The following MTF1 variants were observed in gnomAD, a reference collection of about 807,000 sequenced individuals.
The protein encoded by MTF1 is metal regulatory transcription factor 1, also known as MRE-binding transcription factor.
Under a neutral mutation model 70.4 loss-of-function variants are expected in MTF1, and 22 were observed. The observed-to-expected ratio is 0.31, with a 90% CI of 0.22 to 0.45. The LOEUF is 0.45. Among genes scored for constraint, MTF1 ranks in the 20% least tolerant of loss-of-function variants. The pLI is 1.00. For synonymous variants in MTF1, 333 were observed against 352.8 expected, an observed-to-expected ratio of 0.94 and a Z score of 0.63; for missense variants, 649 against 922.0, an observed-to-expected ratio of 0.70 and a Z score of 3.83.
In MTF1 at chr1:37,815,007, C is replaced by T. The variant is rs576776619; in HGVS notation, c.*129G>A. On this transcript the variant is annotated 3_prime_UTR_variant, in exon 11 of 11. Coordinates refer to ENST00000373036, the MANE Select transcript of MTF1 (RefSeq NM_005955.3). This position sits in a 1 kb window ranked among gnomAD's most constrained non-coding sequence, Gnocchi z 4.5. ...TCCTGGGATGTGAATAAAGAAAATACGTCTGAAAGGTGAGGATTTCAAACA... is the reference window on the plus strand; with the variant it reads ...TCCTGGGATGTGAATAAAGAAAATATGTCTGAAAGGTGAGGATTTCAAACA... 19 of 743,532 alleles carry T rather than the reference C, an allele frequency of 2.6e-5. No homozygotes were observed. The highest frequency in any genetic ancestry group is 3.5e-5 in the Non-Finnish European group (16 of 457,498). 46.1% of individuals were successfully genotyped at this position (743,532 alleles called of 1,614,324 possible).
chr1:37,815,194 A>C lies in MTF1; in HGVS notation c.2204T>G (p.Ile735Ser). ...CTCCTCCCCCTGCAGTAGTGCTTCAATGGGAATCAGATTGGACGGGGTGTC... is the reference window on the plus strand; with the variant it reads ...CTCCTCCCCCTGCAGTAGTGCTTCACTGGGAATCAGATTGGACGGGGTGTC... ...SLDTPSNLIP[I>S]EALLQGEEEM... The change falls in exon 11 of 11, where the codon ATT becomes AGT. Residue 735 changes from isoleucine (I) to serine (S), a missense_variant. Transcript: ENST00000373036. This position sits in a 1 kb window ranked among gnomAD's most constrained non-coding sequence, Gnocchi z 4.5. The C allele has an allele frequency of 6.2e-7, 1 of 1,614,134 alleles. No individual in the cohort carries two copies. The highest frequency in any genetic ancestry group is 8.5e-7 in the Non-Finnish European group (1 of 1,180,026).
In MTF1 at chr1:37,815,894, C is replaced by G. The variant is rs1168697268; in HGVS notation, c.1832-328G>C. On this transcript the variant is annotated intron_variant, in intron 10 of 10. Transcript: ENST00000373036. The surrounding 1 kb of genome is among the most constrained non-coding windows in gnomAD (Gnocchi z 4.5). ...ACTTTTCCTGACACGTTCTTTATAC[C>G]CCTGGGCCTGTGGGCTCTTCCTTAC... Among the ~76,000 whole-genome samples, 3 of 152,062 alleles carry G rather than the reference C, an allele frequency of 2.0e-5. No individual in the cohort carries two copies. The highest frequency in any genetic ancestry group is 2.9e-5 in the Non-Finnish European group (2 of 68,016).
In MTF1 at chr1:37,822,390, A is replaced by G. The variant is rs754351193; in HGVS notation, c.1498T>C (p.Ser500Pro). 9.9e-6 allele frequency: 16 copies of G among 1,614,084 alleles called. No homozygotes were observed. The highest frequency in any genetic ancestry group is 3.3e-5 in the Admixed American group (2 of 60,024). Residue 500 changes from serine (S) to proline (P), a missense_variant, in exon 9 of 11, where the codon TCT (serine) becomes CCT (proline). Coordinates refer to ENST00000373036, the MANE Select transcript of MTF1 (RefSeq NM_005955.3). ...QAPQPIVPGL[S>P]VVAGASASAA... ...GATGCAGAAGCCCCAGCAACAACAG[A>G]AAGTCCTGGTACAATGGGCTGCGGT...
intron 8 of MTF1, among the ~76,000 whole-genome samples, chr1:37,823,150 A>G (rs1458181166): frequency 3.9e-5 from 6 of 152,142 alleles, no homozygotes; most frequent in African/African-American, 1.4e-4. Flanking sequence ...GAAAGAGCTC[A>G]CAAGGCTGGG....
At chr1:37,847,652 C>CA (rs1419898000) in intron 2 of MTF1, among the ~76,000 whole-genome samples, 10 of 152,062 alleles carry the variant, frequency 6.6e-5, no homozygotes, top group African/African-American at 2.4e-4. Context: ...AGCTGGTATC[C>CA]ACAGAACGCC....
intron 6 of MTF1, chr1:37,834,609 G>A: frequency 8.8e-6 from 4 of 456,292 alleles, no homozygotes; most frequent in Non-Finnish European, 1.8e-5. Context: ...AGAAGAGGGG[G>A]AAAAGGTCCT....
chr1:37,836,661 C>G (rs1475321570), intron 4 of MTF1, among the ~76,000 whole-genome samples: 3 of 152,174 alleles, frequency 2.0e-5, no homozygotes, highest in African/African-American at 7.2e-5. Flanking sequence ...AGAGTGTAAA[C>G]TACTTGAGTA....
chr1:37,828,150 T>C (rs923445319), intron 7 of MTF1: 3 of 411,680 alleles, frequency 7.3e-6, no homozygotes, highest in Non-Finnish European at 9.4e-6. Context: ...TAAACAAGTA[T>C]ATGATTCCAA....
chr1:37,822,033 A>T (rs1213364427), intron 9 of MTF1, 88 bp downstream of exon 9: 7 of 1,072,704 alleles, frequency 6.5e-6, no homozygotes, highest in Non-Finnish European at 9.4e-6. Context: ...TATGACAGCC[A>T]CTTTTCTTTT....
intron 7 of MTF1, among the ~76,000 whole-genome samples, chr1:37,827,614 G>A (rs1383600982): frequency 2.6e-5 from 4 of 151,692 alleles, no homozygotes; most frequent in Non-Finnish European, 5.9e-5. Flanking sequence ...CACCCGCCTC[G>A]GCCTCCCAAA....
chr1:37,840,156 T>C lies in MTF1; in HGVS notation c.411A>G (p.Val137=). ...SECPETKRKE[V]KRYQCTFEGC... is the part of the protein sequence containing the mutation. ...CCTCAAAGGTACATTGGTACCGCTT[T>C]ACCTGGCAGAGAAAAGATACCTCAT... Residue 137 remains valine (V), a splice_region_variant and synonymous_variant, in exon 3 of 11, where the codon GTA becomes GTG. Transcript: ENST00000373036. This position sits in a 1 kb window ranked among gnomAD's most constrained non-coding sequence, Gnocchi z 4.5. 1 of 1,613,852 alleles carries C rather than the reference T, an allele frequency of 6.2e-7. No homozygotes were observed. Among genetic ancestry groups the C allele is most frequent in the South Asian group, 1.1e-5 (1 of 91,064 alleles).
intron 8 of MTF1, among the ~76,000 whole-genome samples, chr1:37,823,210 TGGATTGCCTAAGCTCAGGAGTTTC>T (rs1345131887): frequency 6.6e-6 from 1 of 151,138 alleles, no homozygotes; most frequent in Admixed American, 6.6e-5. Context: ...CTGAGGCGGG[TGGATTGCCTAAGCTCAGGAGTTTC>T]AGAGCAGCCT....
Position 37,826,487 on chromosome 1 carries a change from C to T in MTF1, c.1069-2675G>A, listed in dbSNP as rs902412746. The T allele has an allele frequency of 1.3e-4, 54 of 427,488 alleles. No homozygotes were observed. The East Asian group carries it at 2.4e-3, about 19-fold the overall frequency. 26.5% of individuals were successfully genotyped at this position (427,488 alleles called of 1,614,324 possible). A position where few individuals can be genotyped will look rare whatever the true frequency, so the allele number is the denominator to read the frequency against. On this transcript the variant is annotated intron_variant, in intron 7 of 10. Coordinates refer to ENST00000373036, the MANE Select transcript of MTF1 (RefSeq NM_005955.3). ...TTTTAGTAGAGATAAGGTCCTGCTACGTTGCCTAGCCTGGTCTTGAACTCC... is the reference window on the plus strand; with the variant it reads ...TTTTAGTAGAGATAAGGTCCTGCTATGTTGCCTAGCCTGGTCTTGAACTCC...
Position 37,835,542 on chromosome 1 carries a change from G to C in MTF1, c.853+129C>G, listed in dbSNP as rs575009506. On this transcript the variant is annotated intron_variant, in intron 5 of 10. Transcript: ENST00000373036. ...AAAGAAACCCAAACATTCTAGGTAAGGCTGAGCTAATTATGCTCACCTGAA... is the reference window on the plus strand; with the variant it reads ...AAAGAAACCCAAACATTCTAGGTAACGCTGAGCTAATTATGCTCACCTGAA... 32 of 727,592 alleles carry C rather than the reference G, an allele frequency of 4.4e-5. No individual in the cohort carries two copies. The East Asian group carries it at 8.7e-4, about 20-fold the overall frequency. 45.1% of individuals were successfully genotyped at this position (727,592 alleles called of 1,614,324 possible).
chr1:37,824,991 G>A lies in MTF1; in HGVS notation c.1069-1179C>T, dbSNP rs138231012. On this transcript the variant is annotated intron_variant, in intron 7 of 10. Coordinates refer to ENST00000373036, the MANE Select transcript of MTF1 (RefSeq NM_005955.3). ...CTCTTCACTTTAGTTCAGGGAAGGG[G>A]AAAGACTACAGTTCTTCTATCCATG... Among the ~76,000 whole-genome samples, 37 of 152,210 alleles carry A rather than the reference G, an allele frequency of 2.4e-4. No individual in the cohort carries two copies. In the East Asian group the frequency reaches 7.2e-3, roughly 29 times the overall value.
intron 7 of MTF1, among the ~76,000 whole-genome samples, chr1:37,827,529 G>A (rs1261399109): frequency 6.6e-6 from 1 of 151,680 alleles, no homozygotes; most frequent in Admixed American, 6.6e-5. Flanking sequence ...GGCTAATTTT[G>A]TTTTTTGTAT....
chr1:37,840,465 C>T lies in MTF1; in HGVS notation c.409-307G>A. On this transcript the variant is annotated intron_variant, in intron 2 of 10. Coordinates refer to ENST00000373036, the MANE Select transcript of MTF1 (RefSeq NM_005955.3). The surrounding 1 kb of genome is among the most constrained non-coding windows in gnomAD (Gnocchi z 4.5). ...CTAAAAGTACACTATACTGTTACAG[C>T]TACCTGTATTCAGATAAGATCTTAA... The T allele has an allele frequency of 2.0e-6, 1 of 498,520 alleles. No homozygotes were observed. Among genetic ancestry groups the T allele is most frequent in the Admixed American group, 2.3e-5 (1 of 43,596 alleles). 30.9% of individuals were successfully genotyped at this position (498,520 alleles called of 1,614,324 possible). A position where few individuals can be genotyped will look rare whatever the true frequency, so the allele number is the denominator to read the frequency against.
chr1:37,816,611 G>T (rs1463054666), intron 10 of MTF1, among the ~76,000 whole-genome samples: 1 of 149,178 alleles, frequency 6.7e-6, no homozygotes, highest in Admixed American at 6.8e-5. Context: ...GGAGGCAGGG[G>T]TTGCAGTGAG....
intron 2 of MTF1, among the ~76,000 whole-genome samples, chr1:37,856,319 A>C (rs1379267127): frequency 1.3e-5 from 2 of 150,500 alleles, no homozygotes; most frequent in Non-Finnish European, 3.0e-5. Flanking sequence ...CTGGGATTAC[A>C]GGCACCCGCC....
Sources: gnomAD v4.1 joint callset for allele counts (sites outside exome capture counted in the v4.1 genomes callset) on GRCh38, gnomAD v4.1.1 for gene constraint, Gnocchi (gnomAD v3.1) non-coding constraint, MANE v1.5 for transcripts, NCBI Gene and HGNC (gene_info 2026-07-23, HGNC 2026-07-21) for gene names.